PPP1R8: variants seen among roughly 807,000 people sequenced by gnomAD.
The protein encoded by PPP1R8 is nuclear inhibitor of protein phosphatase 1.
In PPP1R8, 4 loss-of-function variants were observed where a neutral mutation model predicts 31.3. The observed-to-expected ratio is 0.13, with a 90% CI of 0.06 to 0.29. The LOEUF (loss-of-function observed/expected upper bound fraction) is 0.29, where lower values mean the gene tolerates loss of function less well. Among genes scored for constraint, PPP1R8 ranks in the 10% least tolerant of loss-of-function variants. The pLI, the probability that PPP1R8 is intolerant of heterozygous loss-of-function variation, is 1.00. For missense variants in PPP1R8, 254 were observed against 440.1 expected (o/e 0.58, Z 3.78); for synonymous variants, 170 against 169.7 (o/e 1.00, Z -0.01).
intron 3 of PPP1R8, among the ~76,000 whole-genome samples, chr1:27,840,158 A>C (rs778477663): frequency 2.3e-4 from 35 of 152,232 alleles, no homozygotes; most frequent in Non-Finnish European, 3.4e-4. Flanking sequence ...AAGATAATCC[A>C]CAGAAATGCA....
intron 1 of PPP1R8, among the ~76,000 whole-genome samples, chr1:27,831,916 C>A (rs1233170588): frequency 6.6e-6 from 1 of 152,082 alleles, no homozygotes; most frequent in Non-Finnish European, 1.5e-5. Context: ...ATTAGCAAAC[C>A]CAAAAAGCAA....
chr1:27,838,797 T>C lies in PPP1R8; in HGVS notation c.216T>C (p.Ala72=). 1.2e-6 allele frequency: 2 copies of C among 1,612,718 alleles called. No homozygotes were observed. The highest frequency in any genetic ancestry group is 1.1e-5 in the South Asian group (1 of 90,714). ...ACCAGTCTTGCTCTCGGGTCCATGC[T>C]GCACTTGTCTACCACAAGCATCTGA... ...IDHQSCSRVH[A]ALVYHKHLKR... Residue 72 remains alanine, a synonymous_variant, in exon 3 of 7, where the codon GCT becomes GCC. Transcript: ENST00000311772.
chr1:27,831,445 C>T (rs373040084), intron 1 of PPP1R8: 1 of 755,782 alleles, frequency 1.3e-6, no homozygotes, highest in Non-Finnish European at 1.6e-6. Flanking sequence ...TGGCATGAAC[C>T]CTTTTTATCC....
intron 1 of PPP1R8, chr1:27,831,111 A>G: frequency 7.4e-7 from 1 of 1,351,778 alleles, no homozygotes; most frequent in South Asian, 1.8e-5. Context: ...TTGGGGGCTC[A>G]AAGGCGCTCA....
intron 6 of PPP1R8, among the ~76,000 whole-genome samples, chr1:27,849,315 G>T (rs2089316247): frequency 6.8e-6 from 1 of 147,886 alleles, no homozygotes; most frequent in Non-Finnish European, 1.5e-5. Context: ...AAGTTGCTGT[G>T]AGCTGAGATC....
chr1:27,832,251 G>A (rs2089117277), intron 1 of PPP1R8, among the ~76,000 whole-genome samples: 1 of 152,166 alleles, frequency 6.6e-6, no homozygotes, highest in Non-Finnish European at 1.5e-5. Context: ...GTTTCATGGG[G>A]CATGATTTTG....
At position 27,847,112 on chromosome 1, in the gene PPP1R8, C is replaced by T; in HGVS notation, c.702+20C>T. 6.2e-7 allele frequency: 1 copy of T among 1,610,086 alleles called. No individual in the cohort carries two copies. On this transcript the variant is annotated intron_variant, in intron 6 of 6. Coordinates refer to ENST00000311772, the MANE Select transcript of PPP1R8 (RefSeq NM_014110.5). ...GTCAAGGTAGGAAGCACATGAAATGCCATACAGTCTGTGTTTTAAAACCTG... is the reference window on the plus strand; with the variant it reads ...GTCAAGGTAGGAAGCACATGAAATGTCATACAGTCTGTGTTTTAAAACCTG...
intron 2 of PPP1R8, among the ~76,000 whole-genome samples, chr1:27,833,644 A>G (rs1448422350): frequency 6.6e-6 from 1 of 152,186 alleles, no homozygotes; most frequent in Non-Finnish European, 1.5e-5. Flanking sequence ...AGTCTCCCAT[A>G]TTAGACCAAT....
chr1:27,842,141 G>A (rs2089228027), intron 4 of PPP1R8, among the ~76,000 whole-genome samples: 1 of 152,154 alleles, frequency 6.6e-6, no homozygotes, highest in African/African-American at 2.4e-5. Context: ...AGGAGTTCGA[G>A]ACCAGCCTGG....
intron 2 of PPP1R8, 66 bp downstream of exon 2, chr1:27,832,882 TC>T: frequency 7.6e-7 from 1 of 1,321,850 alleles, no homozygotes; most frequent in Non-Finnish European, 1.1e-6. Flanking sequence ...GACTCACTTT[TC>T]CACCCCCTCT....
intron 3 of PPP1R8, among the ~76,000 whole-genome samples, chr1:27,840,643 C>G (rs1013269958): frequency 2.0e-5 from 3 of 152,066 alleles, no homozygotes; most frequent in Non-Finnish European, 4.4e-5. Flanking sequence ...TCTTATTTGA[C>G]CCAGAATGGA....
intron 6 of PPP1R8, among the ~76,000 whole-genome samples, chr1:27,849,260 A>G (rs1012501027): frequency 6.6e-6 from 1 of 150,748 alleles, no homozygotes; most frequent in African/African-American, 2.4e-5. Context: ...AATCCCAGCT[A>G]CTCCGGAGGC....
intron 1 of PPP1R8, chr1:27,831,132 C>T (rs538449962): frequency 7.7e-7 from 1 of 1,300,488 alleles, no homozygotes; most frequent in South Asian, 2.1e-5. Flanking sequence ...CTTAGGCAGC[C>T]CCTTTGAGCG....
At chr1:27,848,864 T>C (rs549873082) in intron 6 of PPP1R8, among the ~76,000 whole-genome samples, 1 of 152,280 alleles carries the variant, frequency 6.6e-6, no homozygotes, top group South Asian at 2.1e-4. Context: ...TCAATTTTAT[T>C]GCAGTATAAT....
intron 6 of PPP1R8, among the ~76,000 whole-genome samples, chr1:27,848,333 G>T (rs1481161857): frequency 1.3e-5 from 2 of 150,204 alleles, no homozygotes; most frequent in African/African-American, 4.9e-5. Flanking sequence ...TGAACCCGGG[G>T]GGCAGAGCTT....
chr1:27,838,000 G>T (rs529736995), intron 2 of PPP1R8, among the ~76,000 whole-genome samples: 2 of 151,510 alleles, frequency 1.3e-5, no homozygotes, highest in East Asian at 3.9e-4. Flanking sequence ...TCATAAGGTC[G>T]GGAGTTCGAG....
In PPP1R8 at chr1:27,841,079, T is replaced by G; in HGVS notation, c.337T>G (p.Ser113Ala). 1.2e-6 allele frequency: 2 copies of G among 1,614,170 alleles called. No homozygotes were observed. Among genetic ancestry groups the G allele is most frequent in the Non-Finnish European group, 1.7e-6 (2 of 1,180,034 alleles). Residue 113 changes from serine to alanine, a missense_variant, in exon 4 of 7, where the codon TCC becomes GCC. Coordinates refer to ENST00000311772, the MANE Select transcript of PPP1R8 (RefSeq NM_014110.5). ...CAAGCCTCAGCAAATTCCCATCGAT[T>G]CCACGGTCTCATTTGGCGCATCCAC... ...PHKPQQIPID[S>A]TVSFGASTRA... is the part of the protein sequence containing the mutation.
At chr1:27,834,797 C>A (rs1469314887) in intron 2 of PPP1R8, among the ~76,000 whole-genome samples, 1 of 152,144 alleles carries the variant, frequency 6.6e-6, no homozygotes, top group East Asian at 1.9e-4. Flanking sequence ...GCGGGCAGAT[C>A]ACCTGAGGTC....
chr1:27,841,309 T>A (rs2089220594), intron 4 of PPP1R8, 75 bp downstream of exon 4: 1 of 1,490,476 alleles, frequency 6.7e-7, no homozygotes, highest in African/African-American at 1.4e-5. Context: ...TCTATGTAGC[T>A]GGAAATGCCA....
Sources: gnomAD v4.1 joint callset for allele counts (sites outside exome capture counted in the v4.1 genomes callset) on GRCh38, gnomAD v4.1.1 for gene constraint, MANE v1.5 for transcripts, NCBI Gene and HGNC (gene_info 2026-07-23, HGNC 2026-07-21) for gene names.